The following AXDND1 variants were observed in gnomAD, a reference collection of about 807,000 sequenced individuals.
AXDND1 encodes the protein axonemal dynein light chain domain containing 1, also known as axonemal dynein light chain domain-containing protein 1.
A neutral mutation model predicts 137.5 loss-of-function variants in AXDND1; 110 were observed. The observed-to-expected ratio is 0.80, with a 90% confidence interval of 0.69 to 0.94. The LOEUF (loss-of-function observed/expected upper bound fraction) is 0.94, where lower values mean the gene tolerates loss of function less well. Among genes scored for constraint, AXDND1 ranks in the 40% least tolerant of loss-of-function variants. The pLI is 0.00. For synonymous variants in AXDND1, 414 were observed against 399.7 expected, an observed-to-expected ratio of 1.04 and a Z score of -0.43; for missense variants, 1,191 against 1,169.8, an observed-to-expected ratio of 1.02 and a Z score of -0.26.
chr1:179,453,268 G>C (rs1016931634), intron 16 of AXDND1: 8 of 152,294 alleles, frequency 5.3e-5, no homozygotes, highest in African/African-American at 1.7e-4. Context: ...CAGCCTAGTG[G>C]AGTTATGAGA....
intron 21 of AXDND1, among the ~76,000 whole-genome samples, chr1:179,519,762 A>G (rs1321082804): frequency 6.6e-6 from 1 of 152,046 alleles, no homozygotes; most frequent in Non-Finnish European, 1.5e-5. Flanking sequence ...CTGTTCTTGT[A>G]TTATACCATG....
intron 6 of AXDND1, among the ~76,000 whole-genome samples, chr1:179,382,323 T>C (rs1648502096): frequency 1.3e-5 from 2 of 152,014 alleles, no homozygotes; most frequent in East Asian, 3.9e-4. Flanking sequence ...TCAAGTGATC[T>C]GCCCGCCTCA....
intron 16 of AXDND1, among the ~76,000 whole-genome samples, chr1:179,464,716 A>G (rs1161136251): frequency 6.6e-6 from 1 of 152,088 alleles, no homozygotes; most frequent in Non-Finnish European, 1.5e-5. Flanking sequence ...GTGTTTTCCA[A>G]CTTGGTTCCA....
At chr1:179,444,256 C>G (rs926660567) in intron 15 of AXDND1, among the ~76,000 whole-genome samples, 4 of 152,058 alleles carry the variant, frequency 2.6e-5, no homozygotes, top group Admixed American at 2.6e-4. Flanking sequence ...CTTATAATCT[C>G]CATGTCCCAG....
intron 23 of AXDND1, among the ~76,000 whole-genome samples, chr1:179,531,910 T>C (rs1671071695): frequency 6.6e-6 from 1 of 152,272 alleles, no homozygotes; most frequent in Admixed American, 6.5e-5. Flanking sequence ...GCATGGTCCA[T>C]GTTTGTCTCT....
At chr1:179,484,928 G>A (rs898168128) in intron 18 of AXDND1, among the ~76,000 whole-genome samples, 1 of 152,146 alleles carries the variant, frequency 6.6e-6, no homozygotes, top group African/African-American at 2.4e-5. Flanking sequence ...GCCTGCCAGT[G>A]CCCCGCCACT....
chr1:179,487,744 C>T (rs977745381), intron 18 of AXDND1, among the ~76,000 whole-genome samples: 3 of 148,276 alleles, frequency 2.0e-5, no homozygotes, highest in East Asian at 1.9e-4. Flanking sequence ...GCCTGTAACT[C>T]GACACTTTGT....
At chr1:179,448,611 C>T in intron 16 of AXDND1, 1 of 262,034 alleles carries the variant, frequency 3.8e-6, no homozygotes, top group Non-Finnish European at 7.5e-6. Context: ...GCACACGCTG[C>T]AGCCTGGGCC....
At chr1:179,457,066 GA>G (rs1435053510) in intron 16 of AXDND1, 1 of 1,417,672 alleles carries the variant, frequency 7.1e-7, no homozygotes, top group African/African-American at 1.4e-5. Context: ...CTTCTCTTGA[GA>G]CAGCTCTCTT....
intron 21 of AXDND1, among the ~76,000 whole-genome samples, chr1:179,518,343 A>C (rs1007820361): frequency 1.3e-5 from 2 of 151,740 alleles, no homozygotes; most frequent in South Asian, 4.2e-4. Context: ...TCATTACCAC[A>C]ATATTTTAAT....
chr1:179,381,345 T>G (rs1182590106), intron 6 of AXDND1, among the ~76,000 whole-genome samples: 5 of 83,492 alleles, frequency 6.0e-5, no homozygotes, highest in Admixed American at 5.8e-4. Context: ...CATGGCTGAT[T>G]TTTTTTTTTT....
chr1:179,420,666 TGGC>T, intron 12 of AXDND1, among the ~76,000 whole-genome samples: 1 of 150,348 alleles, frequency 6.7e-6, no homozygotes. Context: ...ATTTTCCCCC[TGGC>T]TGGAGTGCAG....
At chr1:179,508,518 A>G (rs1337088557) in intron 20 of AXDND1, among the ~76,000 whole-genome samples, 1 of 152,136 alleles carries the variant, frequency 6.6e-6, no homozygotes, top group East Asian at 1.9e-4. Context: ...ATTAACTAAT[A>G]AGGAATAATG....
intron 23 of AXDND1, among the ~76,000 whole-genome samples, chr1:179,530,146 C>T (rs928731028): frequency 5.3e-5 from 8 of 152,182 alleles, no homozygotes; most frequent in Admixed American, 6.5e-5. Flanking sequence ...TCTCCTGCCT[C>T]AGCCTCCCAA....
intron 17 of AXDND1, among the ~76,000 whole-genome samples, chr1:179,472,194 CTA>C (rs1378549091): frequency 6.6e-6 from 1 of 152,176 alleles, no homozygotes; most frequent in Non-Finnish European, 1.5e-5. Flanking sequence ...TGCGCCCGGA[CTA>C]TGTCTTCATT....
In AXDND1 at chr1:179,431,000, C is replaced by T. The variant is rs149768753; in HGVS notation, c.1487+394C>T. 5.3e-3 allele frequency among the ~76,000 whole-genome samples: 801 copies of T among 152,272 alleles called. 9 individuals are homozygous for T. Among genetic ancestry groups the T allele is most frequent in the African/African-American group, 0.019 (778 of 41,548 alleles). On this transcript the variant is annotated intron_variant, in intron 14 of 25. Coordinates refer to ENST00000367618, the MANE Select transcript of AXDND1 (RefSeq NM_144696.6). ...GAGATGGTTTTGATCGGATATCATA[C>T]TTTGCAATGATTAGAGAAATCTGAC...
intron 12 of AXDND1, among the ~76,000 whole-genome samples, chr1:179,424,780 C>G (rs1656316414): frequency 1.3e-5 from 2 of 152,082 alleles, no homozygotes; most frequent in Admixed American, 1.3e-4. Context: ...GTACAAGTAG[C>G]CTGTATTTGG....
intron 21 of AXDND1, among the ~76,000 whole-genome samples, chr1:179,518,110 G>A (rs2125665805): frequency 6.6e-6 from 1 of 152,330 alleles, no homozygotes; most frequent in Admixed American, 6.5e-5. Flanking sequence ...TGAGCACTGA[G>A]TATTAGAACA....
At chr1:179,495,299 A>G (rs531118942) in intron 20 of AXDND1, among the ~76,000 whole-genome samples, 26 of 152,226 alleles carry the variant, frequency 1.7e-4, no homozygotes, top group African/African-American at 5.8e-4. Flanking sequence ...TATCTTAACA[A>G]TATGGAGTCT....
Sources: allele counts gnomAD v4.1 joint callset (sites outside exome capture counted in the v4.1 genomes callset), GRCh38; gene constraint gnomAD v4.1.1; transcripts MANE v1.5; gene names NCBI Gene and HGNC (gene_info 2026-07-23, HGNC 2026-07-21).